The following ELN variants were observed in gnomAD, a reference collection of about 807,000 sequenced individuals.
The protein encoded by ELN is elastin.
A neutral mutation model predicts 105.8 loss-of-function variants in ELN; 65 were observed. The ratio of observed to expected loss-of-function variants is 0.61; its 90% CI spans 0.50 to 0.75. ELN has a LOEUF of 0.75. Among genes scored for constraint, ELN ranks in the 30% least tolerant of loss-of-function variants. ELN has a pLI of 0.00. For missense variants in ELN, 882 were observed against 969.4 expected (o/e 0.91, Z 1.20); for synonymous variants, 368 against 389.2 (o/e 0.95, Z 0.64).
Position 74,059,963 on chromosome 7 carries a change from G to A in ELN, c.1492G>A (p.Ala498Thr). Residue 498 changes from alanine (A) to threonine (T), a missense_variant, in exon 23 of 33, where the codon GCT becomes ACT. Transcript: ENST00000252034. ...GVGVAPGVGL[A>T]PGVGVAPGVG... The stretch of plus-strand genomic sequence containing the variant: ...CGGTGTGGCTCCTGGAGTTGGCTTG[G>A]CTCCTGGAGTTGGCGTGGCTCCTGG... 6.2e-7 allele frequency: 1 copy of A among 1,612,948 alleles called. No individual in the cohort carries two copies. Among genetic ancestry groups the A allele is most frequent in the South Asian group, 1.1e-5 (1 of 91,018 alleles).
intron 10 of ELN, 23 bp downstream of exon 10, chr7:74,045,316 G>A: frequency 1.9e-6 from 3 of 1,613,464 alleles, no homozygotes; most frequent in Non-Finnish European, 2.5e-6. Context: ...CTGGACAGAG[G>A]GCTGATGGCA....
chr7:74,051,491 T>TGATTAGATG (rs1794018094), intron 15 of ELN, among the ~76,000 whole-genome samples: 1 of 152,144 alleles, frequency 6.6e-6, no homozygotes, highest in South Asian at 2.1e-4. Context: ...GGTTTCTCAG[T>TGATTAGATG]ATGTGGCAGT....
intron 17 of ELN, 92 bp from the exon 18 acceptor site, chr7:74,053,071 G>A (rs1437994976): frequency 1.3e-6 from 2 of 1,591,710 alleles, no homozygotes; most frequent in East Asian, 4.5e-5. Flanking sequence ...CCTGCATTCA[G>A]GACCAACTGT....
chr7:74,043,551 A>C, intron 8 of ELN: 1 of 661,720 alleles, frequency 1.5e-6, no homozygotes, highest in Non-Finnish European at 2.8e-6. Context: ...CAAGCCCTTT[A>C]GGAAGTGACT....
Position 74,042,722 on chromosome 7 carries a change from TG to T in ELN, c.325+19del. The T allele has an allele frequency of 1.2e-6, 2 of 1,611,578 alleles. No homozygotes were observed. ...GCTAAGGCTGGTGAGTGGTGCTCTT[TG>T]GGACATGCCACAAGCCCTCTGGCTT... is the stretch of plus-strand genomic sequence containing the variant. On this transcript the variant is annotated intron_variant, in intron 6 of 32. Transcript: ENST00000252034.
intron 31 of ELN, among the ~76,000 whole-genome samples, chr7:74,066,315 C>T (rs2132683952): frequency 6.6e-6 from 1 of 152,220 alleles, no homozygotes; most frequent in African/African-American, 2.4e-5. Flanking sequence ...GCCTGTAATC[C>T]CAGCACTTTG....
intron 19 of ELN, among the ~76,000 whole-genome samples, chr7:74,055,301 A>G (rs1795001400): frequency 6.6e-6 from 1 of 152,062 alleles, no homozygotes; most frequent in African/African-American, 2.4e-5. Context: ...TTAGCTGGGC[A>G]TAGTGGCATG....
At chr7:74,059,106 T>C (rs566675030) in intron 22 of ELN, among the ~76,000 whole-genome samples, 16 of 151,986 alleles carry the variant, frequency 1.1e-4, no homozygotes, top group African/African-American at 3.6e-4. Context: ...AAAAATTGTA[T>C]GCGATCCTCC....
chr7:74,035,247 T>A (rs1789627606), intron 1 of ELN, 117 bp from the exon 2 acceptor site: 26 of 969,248 alleles, frequency 2.7e-5, no homozygotes, highest in Non-Finnish European at 4.1e-5. Flanking sequence ...GCATTATTCT[T>A]GTTTCCATGT....
intron 19 of ELN, 152 bp downstream of exon 19, chr7:74,054,921 A>G (rs1216523155): frequency 8.5e-6 from 7 of 823,354 alleles, no homozygotes; most frequent in Non-Finnish European, 1.4e-5. Flanking sequence ...TGTCTCCCCC[A>G]TTTGTCTCCC....
chr7:74,061,622 G>A (rs577652134), intron 26 of ELN, among the ~76,000 whole-genome samples: 9 of 152,182 alleles, frequency 5.9e-5, no homozygotes, highest in Admixed American at 3.9e-4. Context: ...ACTGCACTCC[G>A]GCCTGGACGA....
chr7:74,056,722 C>A lies in ELN; in HGVS notation c.1357+9C>A, dbSNP rs372800803. ...CAAGGCTGCCAAGTACGGTAAGTGC[C>A]CCTGCCCTGCCTGTCCCCAAGTCCT... On this transcript the variant is annotated intron_variant, in intron 21 of 32. Transcript: ENST00000252034. The A allele has an allele frequency of 1.4e-5, 23 of 1,613,660 alleles. No homozygotes were observed. The African/African-American group carries it at 2.9e-4, about 21-fold the overall frequency.
intron 31 of ELN, 57 bp downstream of exon 31, chr7:74,066,054 C>A (rs1302144996): frequency 1.2e-6 from 2 of 1,608,480 alleles, no homozygotes; most frequent in Non-Finnish European, 8.5e-7. Context: ...CTAGAGGGGG[C>A]CTGTCCATCT....
At chr7:74,045,847 C>G (rs1792349874) in intron 10 of ELN, 1 of 346,208 alleles carries the variant, frequency 2.9e-6, no homozygotes, top group Non-Finnish European at 5.5e-6. Flanking sequence ...TCAGCCTGAC[C>G]AACACGGTGA....
In ELN at chr7:74,045,235, C is replaced by A. The variant is rs150690195; in HGVS notation, c.483C>A (p.Pro161=). The change falls in exon 10 of 33, where the codon CCC becomes CCA. Residue 161 remains proline, a synonymous_variant. Transcript: ENST00000252034. The part of the protein sequence containing the change: ...PGGVLPGARF[P]GVGVLPGVPT... Reference sequence around the variant, plus strand: ...GTCCCCCGGCAGGAGCTCGGTTCCCCGGTGTGGGGGTGCTCCCTGGAGTTC... The same window carrying A: ...GTCCCCCGGCAGGAGCTCGGTTCCCAGGTGTGGGGGTGCTCCCTGGAGTTC... The A allele has an allele frequency of 5.3e-5, 86 of 1,613,996 alleles. No homozygotes were observed. Among genetic ancestry groups the A allele is most frequent in the Non-Finnish European group, 6.6e-5 (78 of 1,180,038 alleles).
intron 19 of ELN, among the ~76,000 whole-genome samples, chr7:74,055,671 G>C (rs551630072): frequency 6.6e-6 from 1 of 151,962 alleles, no homozygotes; most frequent in Non-Finnish European, 1.5e-5. Flanking sequence ...GTAGAGACAG[G>C]GTTTTGCCTT....
chr7:74,046,893 G>A (rs373640143), intron 12 of ELN, 126 bp downstream of exon 12: 5 of 1,072,948 alleles, frequency 4.7e-6, no homozygotes, highest in African/African-American at 1.6e-5. Context: ...AGACTAGCCT[G>A]GCCAACATGG....
At chr7:74,047,635 G>C in intron 12 of ELN, 40 bp from the exon 13 acceptor site, 1 of 1,614,024 alleles carries the variant, frequency 6.2e-7, no homozygotes, top group Non-Finnish European at 8.5e-7. Context: ...GCCCAGCAAG[G>C]CATGGGGCAG....
chr7:74,029,941 G>T (rs1788297039), intron 1 of ELN, among the ~76,000 whole-genome samples: 1 of 152,194 alleles, frequency 6.6e-6, no homozygotes, highest in South Asian at 2.1e-4. Flanking sequence ...GGGCAAGGGG[G>T]TTAGGAGTGA....
Sources: allele counts gnomAD v4.1 joint callset (sites outside exome capture counted in the v4.1 genomes callset), GRCh38; gene constraint gnomAD v4.1.1; transcripts MANE v1.5; gene names NCBI Gene and HGNC (gene_info 2026-07-23, HGNC 2026-07-21).